The following COMMD10 variants were observed in gnomAD, a reference collection of about 807,000 sequenced individuals.
COMMD10 encodes COMM domain containing 10.
A neutral mutation model predicts 28.9 loss-of-function variants in COMMD10; 33 were observed. That is an observed-to-expected ratio of 1.14 (90% confidence interval 0.87 to 1.53). The LOEUF (loss-of-function observed/expected upper bound fraction) is 1.53, where lower values mean the gene tolerates loss of function less well. COMMD10 is among the 40% of genes most tolerant of loss of function. The probability of loss-of-function intolerance (pLI) is 0.00; values close to 1 mark genes in which losing one functional copy is unlikely to be tolerated. For synonymous variants in COMMD10, 110 were observed against 81.7 expected (o/e 1.35, Z -1.87); for missense variants, 310 against 233.4 (o/e 1.33, Z -2.14).
At position 116,292,524 on chromosome 5, in the gene COMMD10, G is replaced by T. The variant is rs1481680477; in HGVS notation, c.*35G>T. 1 of 1,546,804 alleles carries T rather than the reference G, an allele frequency of 6.5e-7. No homozygotes were observed. On this transcript the variant is annotated 3_prime_UTR_variant, in exon 7 of 7. Coordinates refer to ENST00000274458, the MANE Select transcript of COMMD10 (RefSeq NM_016144.4). Reference sequence around the variant, plus strand: ...AGACTGTTTTTTTCATCACGCTCCTGCCACCTCATTATTTTGCATTGAAGA... The same window carrying T: ...AGACTGTTTTTTTCATCACGCTCCTTCCACCTCATTATTTTGCATTGAAGA...
At chr5:116,102,674 T>TTTA (rs1750702853) in intron 4 of COMMD10, among the ~76,000 whole-genome samples, 1 of 152,152 alleles carries the variant, frequency 6.6e-6, no homozygotes, top group East Asian at 1.9e-4. Context: ...AATAATTCTT[T>TTTA]TTATTATTAT....
chr5:116,250,281 T>C (rs899256025), intron 5 of COMMD10, among the ~76,000 whole-genome samples: 1 of 151,924 alleles, frequency 6.6e-6, no homozygotes, highest in Admixed American at 6.6e-5. Flanking sequence ...TTTCTTAATA[T>C]GCATTTGGTA....
At chr5:116,137,028 C>T (rs1752043742) in intron 5 of COMMD10, among the ~76,000 whole-genome samples, 1 of 152,006 alleles carries the variant, frequency 6.6e-6, no homozygotes, top group Non-Finnish European at 1.5e-5. Context: ...AGAAGCATGC[C>T]ATCTCCAAGT....
At chr5:116,278,756 C>T (rs976713204) in intron 5 of COMMD10, among the ~76,000 whole-genome samples, 1 of 151,756 alleles carries the variant, frequency 6.6e-6, no homozygotes, top group African/African-American at 2.4e-5. Flanking sequence ...TTTGCCTTAA[C>T]CAGCTTGAGG....
chr5:116,135,562 C>A (rs1044423271), intron 5 of COMMD10, among the ~76,000 whole-genome samples: 1 of 152,110 alleles, frequency 6.6e-6, no homozygotes, highest in African/African-American at 2.4e-5. Flanking sequence ...TCCATAGTTT[C>A]AGTTACCCGC....
chr5:116,218,754 C>CTGAATAGTAGTCGAGTAGTAAGG (rs1214883806), intron 5 of COMMD10, among the ~76,000 whole-genome samples: 8 of 152,184 alleles, frequency 5.3e-5, no homozygotes, highest in African/African-American at 1.9e-4. Flanking sequence ...AGGGACAGTC[C>CTGAATAGTAGTCGAGTAGTAAGG]TGAATAGTAG....
intron 5 of COMMD10, among the ~76,000 whole-genome samples, chr5:116,216,281 G>A (rs751230259): frequency 6.6e-6 from 1 of 152,178 alleles, no homozygotes; most frequent in South Asian, 2.1e-4. Context: ...GGAAGATTGA[G>A]TTTTTAAATG....
chr5:116,146,768 A>G (rs1015873085), intron 5 of COMMD10, among the ~76,000 whole-genome samples: 1 of 151,856 alleles, frequency 6.6e-6, no homozygotes, highest in African/African-American at 2.4e-5. Context: ...TTATATGAAG[A>G]GGAAGAATAC....
At chr5:116,264,519 T>C (rs1357542965) in intron 5 of COMMD10, among the ~76,000 whole-genome samples, 4 of 151,816 alleles carry the variant, frequency 2.6e-5, no homozygotes, top group African/African-American at 7.3e-5. Context: ...CAGTCTCCTC[T>C]GTTATTGGAT....
At chr5:116,168,488 A>G (rs1471524933) in intron 5 of COMMD10, among the ~76,000 whole-genome samples, 1 of 152,198 alleles carries the variant, frequency 6.6e-6, no homozygotes, top group Non-Finnish European at 1.5e-5. Flanking sequence ...CAGACCTAAT[A>G]GACATCTACA....
chr5:116,116,411 C>G (rs1044322781), intron 4 of COMMD10, among the ~76,000 whole-genome samples: 1 of 152,170 alleles, frequency 6.6e-6, no homozygotes, highest in Non-Finnish European at 1.5e-5. Context: ...CTTTATGCAG[C>G]TAAAGCTTGA....
intron 5 of COMMD10, among the ~76,000 whole-genome samples, chr5:116,168,875 C>T (rs908645230): frequency 1.3e-5 from 2 of 152,054 alleles, no homozygotes; most frequent in Admixed American, 6.5e-5. Flanking sequence ...CAGGAGAAAG[C>T]GGGAAAGATC....
chr5:116,257,889 T>TTAA (rs1393925675), intron 5 of COMMD10, among the ~76,000 whole-genome samples: 1 of 151,692 alleles, frequency 6.6e-6, no homozygotes, highest in African/African-American at 2.4e-5. Flanking sequence ...TTTCCAAGAA[T>TTAA]TAATACTTAA....
At chr5:116,289,502 T>C (rs1447511484) in intron 5 of COMMD10, among the ~76,000 whole-genome samples, 4 of 151,892 alleles carry the variant, frequency 2.6e-5, no homozygotes, top group Non-Finnish European at 5.9e-5. Flanking sequence ...AGCTCTAATA[T>C]GCCTCTCACC....
At chr5:116,152,692 T>A (rs1171215487) in intron 5 of COMMD10, among the ~76,000 whole-genome samples, 3 of 152,112 alleles carry the variant, frequency 2.0e-5, no homozygotes, top group African/African-American at 7.2e-5. Context: ...TTTTTTAAAA[T>A]GAGAAACCAG....
intron 4 of COMMD10, among the ~76,000 whole-genome samples, chr5:116,103,291 A>G (rs1360976123): frequency 2.6e-5 from 4 of 152,210 alleles, no homozygotes; most frequent in African/African-American, 7.2e-5. Context: ...CACCAACAGT[A>G]TAAAAGCATT....
chr5:116,112,083 T>G (rs546148626), intron 4 of COMMD10, among the ~76,000 whole-genome samples: 1 of 152,350 alleles, frequency 6.6e-6, no homozygotes, highest in Non-Finnish European at 1.5e-5. Context: ...TTTGAACATT[T>G]CTTGTAGAGC....
chr5:116,086,848 G>A (rs35871414), intron 1 of COMMD10, among the ~76,000 whole-genome samples: 9,074 of 152,106 alleles, frequency 0.06, 355 homozygotes, highest in Non-Finnish European at 0.095. Flanking sequence ...GCTGTGGCCC[G>A]CGCATGTAGT....
At chr5:116,206,243 T>C (rs539163816) in intron 5 of COMMD10, among the ~76,000 whole-genome samples, 4 of 152,322 alleles carry the variant, frequency 2.6e-5, no homozygotes, top group African/African-American at 9.6e-5. Context: ...CTTCCTACTC[T>C]ATTTGTTCCA....
Sources: gnomAD v4.1 joint callset for allele counts (sites outside exome capture counted in the v4.1 genomes callset) on GRCh38, gnomAD v4.1.1 for gene constraint, MANE v1.5 for transcripts, NCBI Gene and HGNC (gene_info 2026-07-23, HGNC 2026-07-21) for gene names.